Variants in COX7B2 observed in about 807,000 individuals in gnomAD.
COX7B2 encodes the protein cytochrome c oxidase subunit 7B2, mitochondrial.
For synonymous variants in COX7B2, 37 were observed against 32.1 expected (o/e 1.15, Z -0.51); for missense variants, 109 against 95.9 (o/e 1.14, Z -0.57).
intron 1 of COX7B2, among the ~76,000 whole-genome samples, chr4:46,869,263 C>T (rs1444476714): frequency 1.3e-5 from 2 of 152,100 alleles, no homozygotes. Context: ...CTATGAGTGT[C>T]ACTACATGTG....
intron 2 of COX7B2, among the ~76,000 whole-genome samples, chr4:46,840,149 T>C (rs992047578): frequency 6.6e-6 from 1 of 151,412 alleles, no homozygotes. Flanking sequence ...GGTTGCAAGG[T>C]GACTCTCTAG....
At chr4:46,899,978 A>G (rs1490691774) in intron 1 of COX7B2, among the ~76,000 whole-genome samples, 2 of 152,164 alleles carry the variant, frequency 1.3e-5, no homozygotes, top group African/African-American at 2.4e-5. Flanking sequence ...ACATGGAAAT[A>G]TATTCACTAT....
At chr4:46,845,769 T>C (rs1672751478) in intron 1 of COX7B2, among the ~76,000 whole-genome samples, 1 of 152,014 alleles carries the variant, frequency 6.6e-6, no homozygotes, top group Non-Finnish European at 1.5e-5. Flanking sequence ...TCCTTCTTAA[T>C]GCCTGGAGTG....
intron 2 of COX7B2, among the ~76,000 whole-genome samples, chr4:46,831,831 T>G (rs1382600186): frequency 6.6e-6 from 1 of 152,080 alleles, no homozygotes; most frequent in Non-Finnish European, 1.5e-5. Context: ...GTCTAGCTGA[T>G]CTGGTGAGGA....
chr4:46,881,337 A>G (rs1055993820), intron 1 of COX7B2, among the ~76,000 whole-genome samples: 1 of 152,230 alleles, frequency 6.6e-6, no homozygotes, highest in Non-Finnish European at 1.5e-5. Flanking sequence ...GACTCAAACC[A>G]GGGAGGGAGC....
At chr4:46,881,007 A>AAAAAAAAAAAAC (rs1718698907) in intron 1 of COX7B2, among the ~76,000 whole-genome samples, 1 of 151,528 alleles carries the variant, frequency 6.6e-6, no homozygotes, top group South Asian at 2.1e-4. Flanking sequence ...AAAAAAAAAA[A>AAAAAAAAAAAAC]AAAACTCTTG....
chr4:46,758,696 A>T (rs1216454707), intron 2 of COX7B2, among the ~76,000 whole-genome samples: 1 of 152,170 alleles, frequency 6.6e-6, no homozygotes, highest in Non-Finnish European at 1.5e-5. Flanking sequence ...GTAGAAATTT[A>T]GTGAACCCAA....
chr4:46,759,966 C>A (rs541954023), intron 2 of COX7B2, among the ~76,000 whole-genome samples: 1 of 151,010 alleles, frequency 6.6e-6, no homozygotes, highest in East Asian at 1.9e-4. Context: ...AAGTTATATA[C>A]GCCTTATCTT....
At chr4:46,804,259 G>A (rs1718846878) in intron 2 of COX7B2, among the ~76,000 whole-genome samples, 1 of 152,186 alleles carries the variant, frequency 6.6e-6, no homozygotes, top group Non-Finnish European at 1.5e-5. Flanking sequence ...GTGAGCAGTA[G>A]CAAGACTTAC....
chr4:46,828,677 A>C (rs1560406704), intron 2 of COX7B2, among the ~76,000 whole-genome samples: 1 of 152,192 alleles, frequency 6.6e-6, no homozygotes, highest in Non-Finnish European at 1.5e-5. Context: ...AATCATAAGA[A>C]AATTATGAGC....
At chr4:46,772,164 A>G (rs569680764) in intron 2 of COX7B2, among the ~76,000 whole-genome samples, 1 of 152,188 alleles carries the variant, frequency 6.6e-6, no homozygotes, top group Non-Finnish European at 1.5e-5. Flanking sequence ...CCTGGAGTAC[A>G]TTATGCTAAG....
chr4:46,750,632 C>G (rs1319867027), intron 2 of COX7B2, among the ~76,000 whole-genome samples: 3 of 152,142 alleles, frequency 2.0e-5, no homozygotes, highest in African/African-American at 7.2e-5. Context: ...TTTGATACCA[C>G]TTCTTCAGTC....
chr4:46,742,306 A>G (rs114682997), intron 2 of COX7B2, among the ~76,000 whole-genome samples: 1,718 of 152,220 alleles, frequency 0.011, 20 homozygotes, highest in Middle Eastern at 0.037. Flanking sequence ...CAGCTTCATG[A>G]TATCAATGCA....
chr4:46,875,972 T>C (rs1041122103), intron 1 of COX7B2, among the ~76,000 whole-genome samples: 1 of 152,158 alleles, frequency 6.6e-6, no homozygotes, highest in East Asian at 1.9e-4. Context: ...GTGAAGTTTA[T>C]ATGCTGCTCT....
chr4:46,822,729 G>A (rs565081831), intron 2 of COX7B2, among the ~76,000 whole-genome samples: 2 of 152,058 alleles, frequency 1.3e-5, no homozygotes, highest in African/African-American at 4.8e-5. Context: ...TGTATTTCAT[G>A]GGCCTATTAA....
At chr4:46,857,368 A>C (rs1560422759) in intron 1 of COX7B2, among the ~76,000 whole-genome samples, 1 of 152,238 alleles carries the variant, frequency 6.6e-6, no homozygotes, top group Non-Finnish European at 1.5e-5. Flanking sequence ...AATTTGTTTT[A>C]CAAATATCAT....
chr4:46,851,990 A>G (rs564057729), intron 1 of COX7B2, among the ~76,000 whole-genome samples: 42 of 152,174 alleles, frequency 2.8e-4, no homozygotes, highest in African/African-American at 9.4e-4. Context: ...ATACTTTGAA[A>G]CTATGCAAAA....
At chr4:46,852,745 T>G (rs1716767832) in intron 1 of COX7B2, among the ~76,000 whole-genome samples, 1 of 152,140 alleles carries the variant, frequency 6.6e-6, no homozygotes, top group African/African-American at 2.4e-5. Context: ...CAATGCACAT[T>G]ATCACAGCTC....
intron 2 of COX7B2, among the ~76,000 whole-genome samples, chr4:46,825,926 C>A (rs1321416136): frequency 6.6e-6 from 1 of 152,074 alleles, no homozygotes; most frequent in Admixed American, 6.5e-5. Flanking sequence ...TATAAAATCC[C>A]TGGAAATCAA....
Sources: gnomAD v4.1 joint callset for allele counts (sites outside exome capture counted in the v4.1 genomes callset) on GRCh38, gnomAD v4.1.1 for gene constraint, MANE v1.5 for transcripts, NCBI Gene and HGNC (gene_info 2026-07-23, HGNC 2026-07-21) for gene names.